TMEM108: variants seen among roughly 807,000 people sequenced by gnomAD.
TMEM108 encodes transmembrane protein 108.
In TMEM108, 12 loss-of-function variants were observed where a neutral mutation model predicts 35.1. The observed-to-expected ratio is 0.34, with a 90% CI of 0.22 to 0.55. The LOEUF is 0.55. Ranked by LOEUF, TMEM108 falls within the 20% of genes least tolerant of loss-of-function variation. The pLI, the probability that TMEM108 is intolerant of heterozygous loss-of-function variation, is 0.89. For synonymous variants in TMEM108, 287 were observed against 308.6 expected, an observed-to-expected ratio of 0.93 and a Z score of 0.73; for missense variants, 680 against 753.3, an observed-to-expected ratio of 0.90 and a Z score of 1.14.
chr3:133,082,999 C>T (rs1364664232), intron 2 of TMEM108, among the ~76,000 whole-genome samples: 1 of 152,046 alleles, frequency 6.6e-6, no homozygotes, highest in African/African-American at 2.4e-5. Context: ...CACTATACGT[C>T]TAAAACAGTA....
rs1479381389 is a variant in TMEM108, at chr3:133,241,045, A to G, written c.40+11694A>G. Among the ~76,000 whole-genome samples, 16 of 150,556 alleles carry G rather than the reference A, an allele frequency of 1.1e-4. No homozygotes were observed. In the Admixed American group the frequency reaches 1.1e-3, roughly 10 times the overall value. On this transcript the variant is annotated intron_variant, in intron 3 of 5. Transcript: ENST00000321871. Reference sequence around the variant, plus strand: ...ACCTCATGAATTGGGGCTATTTTTAACCAACAGAGAACTGTCGTCTTTGTT... The same window carrying G: ...ACCTCATGAATTGGGGCTATTTTTAGCCAACAGAGAACTGTCGTCTTTGTT...
chr3:133,209,580 G>T (rs972039813), intron 2 of TMEM108, among the ~76,000 whole-genome samples: 3 of 152,006 alleles, frequency 2.0e-5, no homozygotes, highest in African/African-American at 7.2e-5. Flanking sequence ...TTCCAAAATG[G>T]ATCTCCTGGC....
At chr3:133,250,299 G>C (rs1034359440) in intron 3 of TMEM108, among the ~76,000 whole-genome samples, 5 of 152,176 alleles carry the variant, frequency 3.3e-5, no homozygotes, top group African/African-American at 7.2e-5. Flanking sequence ...CGTGAAGCCA[G>C]TGTGAAGACA....
rs1374783478 is a variant in TMEM108 at position 133,380,882 on chromosome 3, A to G, written c.1171A>G (p.Arg391Gly). ...CCCACAAGCTCCAACCCATCCCTCC[A>G]GGGTCTCAGAAAGCACTATTTCTGG... ...TTPQAPTHPS[R>G]VSESTISGAK... Residue 391 changes from arginine to glycine, a missense_variant, in exon 4 of 6, where the codon AGG becomes GGG. Around this residue, in one of 3 missense-constraint regions of TMEM108, gnomAD observed 526 missense variants for 532.1 expected, o/e 0.99. Coordinates refer to ENST00000321871, the MANE Select transcript of TMEM108 (RefSeq NM_023943.4). This position sits in a 1 kb window ranked among gnomAD's most constrained non-coding sequence, Gnocchi z 5.3. 3.1e-6 allele frequency: 5 copies of G among 1,614,142 alleles called. No individual in the cohort carries two copies. Among genetic ancestry groups the G allele is most frequent in the South Asian group, 1.1e-5 (1 of 91,084 alleles).
chr3:133,332,114 A>ACACT (rs1491476508), intron 3 of TMEM108, among the ~76,000 whole-genome samples: 86 of 148,874 alleles, frequency 5.8e-4, no homozygotes, highest in African/African-American at 2.1e-3. Flanking sequence ...ACACACACAC[A>ACACT]CTTACCTAGA....
intron 3 of TMEM108, among the ~76,000 whole-genome samples, chr3:133,278,262 G>T (rs1253334598): frequency 1.3e-5 from 2 of 152,222 alleles, no homozygotes; most frequent in African/African-American, 4.8e-5. Context: ...GAAATCAAAA[G>T]ACTTGAATTA....
At chr3:133,253,089 G>A (rs1360802755) in intron 3 of TMEM108, among the ~76,000 whole-genome samples, 2 of 152,198 alleles carry the variant, frequency 1.3e-5, no homozygotes, top group Non-Finnish European at 2.9e-5. Context: ...TTTATTGCAA[G>A]GAACTTGAGC....
intron 2 of TMEM108, among the ~76,000 whole-genome samples, chr3:133,203,135 T>C (rs760803877): frequency 1.3e-5 from 2 of 152,252 alleles, no homozygotes; most frequent in Non-Finnish European, 2.9e-5. Context: ...TTTTTGCACG[T>C]TGATTTTGTA....
chr3:133,391,033 A>G (rs1354121003), intron 5 of TMEM108, among the ~76,000 whole-genome samples: 2 of 152,318 alleles, frequency 1.3e-5, no homozygotes, highest in East Asian at 3.9e-4. Context: ...CGTAGAGGCC[A>G]GAGTGAAACA....
intron 3 of TMEM108, among the ~76,000 whole-genome samples, chr3:133,296,292 G>A (rs1947144597): frequency 6.6e-6 from 1 of 152,150 alleles, no homozygotes; most frequent in Non-Finnish European, 1.5e-5. Flanking sequence ...TTAAATCTCG[G>A]AGTATCTGCC....
At chr3:133,079,735 G>T (rs1042158372) in intron 2 of TMEM108, among the ~76,000 whole-genome samples, 1 of 152,172 alleles carries the variant, frequency 6.6e-6, no homozygotes, top group African/African-American at 2.4e-5. Flanking sequence ...GGTCAGAAGG[G>T]CCCCAGCAAA....
intron 3 of TMEM108, among the ~76,000 whole-genome samples, chr3:133,321,614 A>G (rs554151114): frequency 6.6e-6 from 1 of 152,330 alleles, no homozygotes; most frequent in East Asian, 1.9e-4. Context: ...AGCACCAGAC[A>G]GGTTATCAAG....
intron 2 of TMEM108, among the ~76,000 whole-genome samples, chr3:133,179,026 A>T (rs2107800348): frequency 6.6e-6 from 1 of 152,344 alleles, no homozygotes; most frequent in African/African-American, 2.4e-5. Context: ...AAAAGAAGAC[A>T]TTTATGCAGC....
intron 2 of TMEM108, among the ~76,000 whole-genome samples, chr3:133,122,717 G>C (rs1944368362): frequency 6.6e-6 from 1 of 151,920 alleles, no homozygotes; most frequent in African/African-American, 2.4e-5. Flanking sequence ...CAAAAAATTA[G>C]CTCGGTGTGG....
intron 2 of TMEM108, among the ~76,000 whole-genome samples, chr3:133,216,447 T>C (rs1292287958): frequency 6.6e-6 from 1 of 152,138 alleles, no homozygotes; most frequent in Non-Finnish European, 1.5e-5. Context: ...TGCATATTTT[T>C]TATGGTGAGA....
intron 2 of TMEM108, among the ~76,000 whole-genome samples, chr3:133,168,421 G>C (rs1485776080): frequency 1.3e-5 from 2 of 152,144 alleles, no homozygotes; most frequent in East Asian, 3.9e-4. Context: ...GAGAGAGAGG[G>C]AGGCGAGGGG....
chr3:133,214,549 T>C (rs985714067), intron 2 of TMEM108, among the ~76,000 whole-genome samples: 2 of 152,212 alleles, frequency 1.3e-5, no homozygotes, highest in Non-Finnish European at 2.9e-5. Context: ...TTCTGTCTTT[T>C]CTAAGCTCTA....
At chr3:133,244,386 CCTCCT>C (rs1357991540) in intron 3 of TMEM108, among the ~76,000 whole-genome samples, 1 of 152,160 alleles carries the variant, frequency 6.6e-6, no homozygotes, top group East Asian at 1.9e-4. Context: ...ACTGCATCTT[CCTCCT>C]CTCCTCTATG....
At position 133,122,660 on chromosome 3, in the gene TMEM108, A is replaced by G. The variant is rs147986560; in HGVS notation, c.-47+76640A>G. Among the ~76,000 whole-genome samples, 653 of 152,134 alleles carry G rather than the reference A, an allele frequency of 4.3e-3. 11 individuals carry two copies. The highest frequency in any genetic ancestry group is 0.03 in the East Asian group (156 of 5,168). On this transcript the variant is annotated intron_variant, in intron 2 of 5. Coordinates refer to ENST00000321871, the MANE Select transcript of TMEM108 (RefSeq NM_023943.4). ...GTGGACGGATCGAGGTCAGGAGATC[A>G]AGACCGTCCTGGCTAACACAGTGAA... is the stretch of plus-strand genomic sequence containing the variant.
Sources: gnomAD v4.1 joint callset for allele counts (sites outside exome capture counted in the v4.1 genomes callset) on GRCh38, gnomAD v4.1.1 for gene constraint, gnomAD v4.1.1 regional missense constraint, Gnocchi (gnomAD v3.1) non-coding constraint, MANE v1.5 for transcripts, NCBI Gene and HGNC (gene_info 2026-07-23, HGNC 2026-07-21) for gene names.